The following ZNF649 variants were observed in gnomAD, a reference collection of about 807,000 sequenced individuals.
ZNF649 encodes zinc finger protein 649.
A neutral mutation model predicts 14.1 loss-of-function variants in ZNF649; 7 were observed. The observed-to-expected ratio is 0.49, with a 90% CI of 0.28 to 0.93. The LOEUF (loss-of-function observed/expected upper bound fraction) is 0.93, where lower values mean the gene tolerates loss of function less well. Among genes scored for constraint, ZNF649 ranks in the 40% least tolerant of loss-of-function variants. The pLI, the probability that ZNF649 is intolerant of heterozygous loss-of-function variation, is 0.10. For synonymous variants in ZNF649, 227 were observed against 212.3 expected, an observed-to-expected ratio of 1.07 and a Z score of -0.60; for missense variants, 544 against 608.1, an observed-to-expected ratio of 0.89 and a Z score of 1.11.
intron 4 of ZNF649, among the ~76,000 whole-genome samples, chr19:51,895,759 A>G (rs1333188299): frequency 6.6e-6 from 1 of 151,684 alleles, no homozygotes; most frequent in African/African-American, 2.4e-5. Context: ...TATATAAAGT[A>G]TATATATAAA....
chr19:51,892,898 T>C (rs1415279962), intron 4 of ZNF649, among the ~76,000 whole-genome samples: 1 of 152,200 alleles, frequency 6.6e-6, no homozygotes, highest in Non-Finnish European at 1.5e-5. Context: ...TAAACTATGT[T>C]CTAACTGCCA....
At chr19:51,892,019 C>A in intron 4 of ZNF649, 122 bp from the exon 5 acceptor site, 1 of 1,149,274 alleles carries the variant, frequency 8.7e-7, no homozygotes, top group Non-Finnish European at 1.2e-6. Flanking sequence ...GAAGGAATTC[C>A]AAGTATAAGT....
chr19:51,894,046 C>T (rs139214731), intron 4 of ZNF649, among the ~76,000 whole-genome samples: 133 of 152,270 alleles, frequency 8.7e-4, no homozygotes, highest in African/African-American at 3.0e-3. Context: ...ATTACCATGA[C>T]GCATCCACTT....
chr19:51,904,441 G>A (rs11667971), intron 1 of ZNF649, among the ~76,000 whole-genome samples: 12,336 of 151,880 alleles, frequency 0.081, 667 homozygotes, highest in East Asian at 0.23. Context: ...CCCAGCCAGG[G>A]GCCTGGGCTT....
chr19:51,890,890 T>C lies in ZNF649; in HGVS notation c.1246A>G (p.Met416Val), dbSNP rs753233587. 11 of 1,614,100 alleles carry C rather than the reference T, an allele frequency of 6.8e-6. No homozygotes were observed. The highest frequency in any genetic ancestry group is 6.7e-5 in the African/African-American group (5 of 74,932). Reference sequence around the variant, plus strand: ...TGAGTTCTGTGATGTACAATGAGCATTGTCTTTGTAAGGAAGGCTTTCCCA... The same window carrying C: ...TGAGTTCTGTGATGTACAATGAGCACTGTCTTTGTAAGGAAGGCTTTCCCA... ...DCGKAFLTKT[M>V]LIVHHRTHTG... Residue 416 changes from methionine to valine, a missense_variant, in exon 5 of 5, where the codon ATG becomes GTG. By Grantham distance (21) the Met-to-Val change is conservative (BLOSUM62 1). Coordinates refer to ENST00000354957, the MANE Select transcript of ZNF649 (RefSeq NM_023074.4).
intron 4 of ZNF649, among the ~76,000 whole-genome samples, chr19:51,892,779 C>G (rs1401487078): frequency 6.6e-6 from 1 of 152,154 alleles, no homozygotes; most frequent in African/African-American, 2.4e-5. Flanking sequence ...AAACAGAGAT[C>G]ACAAGACTGA....
chr19:51,901,927 G>A (rs1214993433), intron 1 of ZNF649, among the ~76,000 whole-genome samples: 1 of 148,112 alleles, frequency 6.8e-6, no homozygotes, highest in African/African-American at 2.5e-5. Context: ...CTGCAGGCTG[G>A]GTGACAAAGT....
At chr19:51,903,942 G>C (rs2085108851) in intron 1 of ZNF649, among the ~76,000 whole-genome samples, 1 of 152,178 alleles carries the variant, frequency 6.6e-6, no homozygotes, top group Non-Finnish European at 1.5e-5. Context: ...CTGCAACCTA[G>C]CTTAACAGAC....
chr19:51,903,360 G>A (rs1057415160), intron 1 of ZNF649, among the ~76,000 whole-genome samples: 47 of 152,152 alleles, frequency 3.1e-4, no homozygotes, highest in African/African-American at 1.1e-3. Flanking sequence ...ATGGTTAGTT[G>A]CCCTGGCAAC....
chr19:51,903,609 A>T (rs2085106753), intron 1 of ZNF649, among the ~76,000 whole-genome samples: 1 of 152,232 alleles, frequency 6.6e-6, no homozygotes, highest in Non-Finnish European at 1.5e-5. Flanking sequence ...ACCTGAGGTC[A>T]GGAGTTCAAG....
rs376807001 is a variant in ZNF649 at position 51,891,705 on chromosome 19, T to A, written c.431A>T (p.Glu144Val). 83 of 1,613,462 alleles carry A rather than the reference T, an allele frequency of 5.1e-5. No homozygotes were observed. In the Middle Eastern group the frequency reaches 9.9e-4, roughly 19 times the overall value. The change falls in exon 5 of 5, where the codon GAA becomes GTA. Residue 144 changes from glutamate to valine, a missense_variant. By Grantham distance (121) the Glu-to-Val change is moderately radical. Transcript: ENST00000354957. The surrounding 1 kb of genome is among the most constrained non-coding windows in gnomAD (Gnocchi z 4.2). ...GDGAFLHDNH[E>V]QMPTEIEFPE... is the part of the protein sequence containing the mutation. ...GAATTCAATTTCCGTAGGCATTTGT[T>A]CATGATTATCATGGAGAAAAGCTCC...
chr19:51,900,237 C>A lies in ZNF649; in HGVS notation c.-130G>T. 1.5e-6 allele frequency: 1 copy of A among 686,828 alleles called. No individual in the cohort carries two copies. Among genetic ancestry groups the A allele is most frequent in the Non-Finnish European group, 2.2e-6 (1 of 445,352 alleles). 42.5% of individuals were successfully genotyped at this position (686,828 alleles called of 1,614,324 possible). ...GTGTTCCCAGAAATGATGACATCCA[C>A]ATCCAGGAACCTCCTCCTTCCTTCA... is the stretch of plus-strand genomic sequence containing the variant. On this transcript the variant is annotated 5_prime_UTR_variant, in exon 2 of 5. An upstream start codon of the reference 5' UTR is lost. Coordinates refer to ENST00000354957, the MANE Select transcript of ZNF649 (RefSeq NM_023074.4).
Position 51,889,958 on chromosome 19 carries a change from A to G in ZNF649, c.*660T>C, listed in dbSNP as rs2085007358. On this transcript the variant is annotated 3_prime_UTR_variant, in exon 5 of 5. Transcript: ENST00000354957. ...GAGATTGTTAACTGGATAAAAAAGG[A>G]AGGCCCAACTGTATGTTGCCCACTA... 1 of 152,226 alleles carries G rather than the reference A, an allele frequency of 6.6e-6. No homozygotes were observed. Among genetic ancestry groups the G allele is most frequent in the South Asian group, 2.1e-4 (1 of 4,836 alleles). The allele number at this position is 152,226 out of a possible 1,614,324, so 9.4% of individuals were successfully genotyped here. A position where few individuals can be genotyped will look rare whatever the true frequency, so the allele number is the denominator to read the frequency against.
chr19:51,899,521 T>C (rs1311729166), intron 2 of ZNF649, among the ~76,000 whole-genome samples: 1 of 152,234 alleles, frequency 6.6e-6, no homozygotes, highest in Non-Finnish European at 1.5e-5. Context: ...GTTGGGTATA[T>C]AGGCCGCAGT....
intron 4 of ZNF649, among the ~76,000 whole-genome samples, chr19:51,894,012 G>C (rs1156985115): frequency 6.6e-6 from 1 of 152,102 alleles, no homozygotes; most frequent in Non-Finnish European, 1.5e-5. Flanking sequence ...TTCACAGCAG[G>C]AGCTGAACAA....
At chr19:51,892,037 A>G (rs2085026908) in intron 4 of ZNF649, 140 bp from the exon 5 acceptor site, 2 of 1,060,388 alleles carry the variant, frequency 1.9e-6, no homozygotes, top group Non-Finnish European at 2.6e-6. Flanking sequence ...AGTGTTCCCT[A>G]TCTGTTAAAA....
intron 1 of ZNF649, among the ~76,000 whole-genome samples, chr19:51,901,101 C>A (rs1196174628): frequency 7.7e-5 from 10 of 129,112 alleles, no homozygotes; most frequent in Admixed American, 7.1e-4. Flanking sequence ...CAAGTCATGA[C>A]AACACACGTG....
chr19:51,891,961 C>T lies in ZNF649; in HGVS notation c.239-64G>A. On this transcript the variant is annotated intron_variant, in intron 4 of 4. Transcript: ENST00000354957. The surrounding 1 kb of genome is among the most constrained non-coding windows in gnomAD (Gnocchi z 4.2). ...ACGGAATAAAACTGCTTCAAAGATGCCTTGGGGTTGGCTGGCTTTTTACTG... is the reference window on the plus strand; with the variant it reads ...ACGGAATAAAACTGCTTCAAAGATGTCTTGGGGTTGGCTGGCTTTTTACTG... 1 of 1,486,322 alleles carries T rather than the reference C, an allele frequency of 6.7e-7. No homozygotes were observed. 92.1% of individuals were successfully genotyped at this position (1,486,322 alleles called of 1,614,324 possible).
chr19:51,891,534 G>C lies in ZNF649; in HGVS notation c.602C>G (p.Thr201Arg), dbSNP rs745345792. 4.5e-5 allele frequency: 73 copies of C among 1,614,184 alleles called. No individual in the cohort carries two copies. The highest frequency in any genetic ancestry group is 6.7e-5 in the Admixed American group (4 of 60,016). Residue 201 changes from threonine (T) to arginine (R), a missense_variant, in exon 5 of 5, where the codon ACA (threonine) becomes AGA (arginine). Coordinates refer to ENST00000354957, the MANE Select transcript of ZNF649 (RefSeq NM_023074.4). This position sits in a 1 kb window ranked among gnomAD's most constrained non-coding sequence, Gnocchi z 4.2. ...SQLTEHKRIH[T>R]GKKPHVCSLC... The stretch of plus-strand genomic sequence containing the variant: ...GCTACACACGTGGGGTTTCTTTCCT[G>C]TATGAATTCTCTTATGCTCAGTGAG...
Sources: allele counts gnomAD v4.1 joint callset (sites outside exome capture counted in the v4.1 genomes callset), GRCh38; gene constraint gnomAD v4.1.1; non-coding constraint Gnocchi (gnomAD v3.1); transcripts MANE v1.5; gene names NCBI Gene and HGNC (gene_info 2026-07-23, HGNC 2026-07-21).